The following IGFL2 variants were observed in gnomAD, a reference collection of about 807,000 sequenced individuals.
IGFL2 encodes the protein IGF like family member 2, also known as insulin growth factor-like family member 2.
IGFL2 carries 7 observed loss-of-function variants against 13.9 expected under a neutral mutation model. That is an observed-to-expected ratio of 0.51 (90% CI 0.29 to 0.95). The LOEUF (loss-of-function observed/expected upper bound fraction) is 0.95. IGFL2 is among the 40% of genes least tolerant of loss of function. The pLI is 0.08. For missense variants in IGFL2, 138 were observed against 147.8 expected (o/e 0.93, Z 0.34); for synonymous variants, 55 against 55.8 (o/e 0.99, Z 0.07).
the IGFL2 span, among the ~76,000 whole-genome samples, chr19:46,115,434 AAT>A: frequency 2.0e-5 from 3 of 152,200 alleles, no homozygotes; most frequent in East Asian, 5.8e-4. Flanking sequence ...GACAAAATGA[AAT>A]GCAGCGAATC....
chr19:46,165,265 G>A (rs139577947), downstream of IGFL2, among the ~76,000 whole-genome samples: 167 of 152,368 alleles, frequency 1.1e-3, 1 homozygote, highest in African/African-American at 3.9e-3. Flanking sequence ...ACACAGATAT[G>A]TGCCTGTAGT....
At chr19:46,107,445 G>A in the IGFL2 span, among the ~76,000 whole-genome samples, 1 of 152,248 alleles carries the variant, frequency 6.6e-6, no homozygotes, top group Non-Finnish European at 1.5e-5. Context: ...ATGGGACATG[G>A]CTTAGGAGGA....
the IGFL2 span, chr19:46,196,105 C>T: frequency 6.5e-6 from 1 of 155,034 alleles, no homozygotes; most frequent in African/African-American, 2.4e-5. Context: ...CTGTCTCGCT[C>T]CAGGGCCCAG....
chr19:46,086,034 A>G, the IGFL2 span, among the ~76,000 whole-genome samples: 1 of 152,026 alleles, frequency 6.6e-6, no homozygotes, highest in African/African-American at 2.4e-5. Flanking sequence ...TTGTCTGACT[A>G]GGTTACTTCA....
chr19:46,180,050 A>G, the IGFL2 span, among the ~76,000 whole-genome samples: 2 of 152,204 alleles, frequency 1.3e-5, no homozygotes, highest in African/African-American at 4.8e-5. Flanking sequence ...TCTGTGATGT[A>G]TATATTCATA....
intron 1 of IGFL2, among the ~76,000 whole-genome samples, chr19:46,154,212 TG>T (rs1973680875): frequency 6.6e-6 from 1 of 152,216 alleles, no homozygotes; most frequent in African/African-American, 2.4e-5. Context: ...GTTAAGCTTC[TG>T]GCCCGTCTGC....
chr19:46,154,638 A>G lies in IGFL2; in HGVS notation c.20-5777A>G, dbSNP rs552101409. On this transcript the variant is annotated intron_variant, in intron 1 of 3. Coordinates refer to ENST00000377693, the MANE Select transcript of IGFL2 (RefSeq NM_001135113.2). Reference sequence around the variant, plus strand: ...TTTTTGTATTTTTTTTTTAGTAGAGACGGGGTTTCACTGTGCTTGCCAGGA... The same window carrying G: ...TTTTTGTATTTTTTTTTTAGTAGAGGCGGGGTTTCACTGTGCTTGCCAGGA... Among the ~76,000 whole-genome samples the G allele has an allele frequency of 8.4e-4, 126 of 150,824 alleles. 2 individuals carry two copies. The Middle Eastern group carries it at 0.017, about 20-fold the overall frequency.
the IGFL2 span, among the ~76,000 whole-genome samples, chr19:46,094,034 AT>A: frequency 0.03 from 3,375 of 114,186 alleles, 110 homozygotes; most frequent in African/African-American, 0.1. Context: ...GCCTTGGAGG[AT>A]TTTTTTTTTT....
At chr19:46,094,152 G>C in the IGFL2 span, among the ~76,000 whole-genome samples, 1 of 150,582 alleles carries the variant, frequency 6.6e-6, no homozygotes, top group Non-Finnish European at 1.5e-5. Flanking sequence ...TAAAAGAAGA[G>C]CAAAGTTTAG....
At chr19:46,173,070 G>A in the IGFL2 span, among the ~76,000 whole-genome samples, 1 of 152,206 alleles carries the variant, frequency 6.6e-6, no homozygotes, top group African/African-American at 2.4e-5. Context: ...AAGATTAAAG[G>A]TCTTTGGGTT....
At chr19:46,215,124 T>C in the IGFL2 span, among the ~76,000 whole-genome samples, 1 of 152,168 alleles carries the variant, frequency 6.6e-6, no homozygotes, top group Non-Finnish European at 1.5e-5. Context: ...AGGAGTCACT[T>C]GATTAAAAAT....
chr19:46,176,483 A>G, the IGFL2 span, among the ~76,000 whole-genome samples: 5,062 of 152,198 alleles, frequency 0.033, 125 homozygotes, highest in East Asian at 0.07. Flanking sequence ...GAGCTTTTAT[A>G]ATCTTGACTC....
At chr19:46,152,250 A>G (rs1206663307) in intron 1 of IGFL2, among the ~76,000 whole-genome samples, 1 of 147,286 alleles carries the variant, frequency 6.8e-6, no homozygotes, top group Non-Finnish European at 1.5e-5. Context: ...TCTTTAGGTC[A>G]TAGTAGCTTC....
At chr19:46,174,392 A>G in the IGFL2 span, among the ~76,000 whole-genome samples, 1 of 152,184 alleles carries the variant, frequency 6.6e-6, no homozygotes, top group East Asian at 1.9e-4. Flanking sequence ...ACGAGATTAC[A>G]ATTATGTAAG....
chr19:46,121,407 A>G, the IGFL2 span, among the ~76,000 whole-genome samples: 677 of 148,804 alleles, frequency 4.5e-3, 20 homozygotes, highest in Non-Finnish European at 7.1e-3. Flanking sequence ...AAAAAAAAAA[A>G]AAGAAGAAGA....
At chr19:46,157,222 C>T (rs558125634) in intron 1 of IGFL2, among the ~76,000 whole-genome samples, 1 of 152,274 alleles carries the variant, frequency 6.6e-6, no homozygotes, top group Admixed American at 6.5e-5. Flanking sequence ...ACCAATTCTG[C>T]ACAATCTCAT....
At chr19:46,186,185 G>A in the IGFL2 span, among the ~76,000 whole-genome samples, 1,237 of 152,240 alleles carry the variant, frequency 8.1e-3, 18 homozygotes, top group African/African-American at 0.027. Context: ...TTGCGTGCCG[G>A]CAGCCCTGGG....
the IGFL2 span, among the ~76,000 whole-genome samples, chr19:46,169,467 A>G: frequency 6.6e-6 from 1 of 152,244 alleles, no homozygotes; most frequent in Non-Finnish European, 1.5e-5. Context: ...GAGAGAGTGA[A>G]TAGATGTTTT....
At chr19:46,152,767 A>G (rs912407568) in intron 1 of IGFL2, among the ~76,000 whole-genome samples, 4 of 152,220 alleles carry the variant, frequency 2.6e-5, no homozygotes, top group African/African-American at 9.6e-5. Flanking sequence ...GGGGGAAAGT[A>G]TTCAATCTTT....
Sources: allele counts gnomAD v4.1 joint callset (sites outside exome capture counted in the v4.1 genomes callset), GRCh38; gene constraint gnomAD v4.1.1; transcripts MANE v1.5; gene names NCBI Gene and HGNC (gene_info 2026-07-23, HGNC 2026-07-21).